The following LYZL1 variants were observed in gnomAD, a reference collection of about 807,000 sequenced individuals.
LYZL1 encodes lysozyme like 1.
LYZL1 carries 16 observed loss-of-function variants against 17.9 expected under a neutral mutation model. That is an observed-to-expected ratio of 0.90 (90% CI 0.61 to 1.36). The LOEUF is 1.36. LYZL1 is among the 40% of genes most tolerant of loss of function. The pLI, the probability that LYZL1 is intolerant of heterozygous loss-of-function variation, is 0.00. For synonymous variants in LYZL1, 58 were observed against 71.8 expected, an observed-to-expected ratio of 0.81 and a Z score of 0.97; for missense variants, 149 against 188.4, an observed-to-expected ratio of 0.79 and a Z score of 1.22.
At chr10:29,301,009 G>T (rs1835511036) in intron 3 of LYZL1, among the ~76,000 whole-genome samples, 1 of 152,102 alleles carries the variant, frequency 6.6e-6, no homozygotes, top group South Asian at 2.1e-4. Flanking sequence ...ATTTTTTGTA[G>T]GGATGGGTGA....
chr10:29,310,723 G>A (rs1373418122), intron 4 of LYZL1, among the ~76,000 whole-genome samples: 2 of 152,168 alleles, frequency 1.3e-5, no homozygotes, highest in African/African-American at 2.4e-5. Flanking sequence ...CAGAGAACCC[G>A]AATTTTCACA....
At chr10:29,293,866 C>T (rs1588657508) in intron 3 of LYZL1, among the ~76,000 whole-genome samples, 1 of 151,634 alleles carries the variant, frequency 6.6e-6, no homozygotes, top group East Asian at 1.9e-4. Context: ...CCCAGCTACT[C>T]GGGAGGCTGA....
chr10:29,309,734 G>C lies in LYZL1; in HGVS notation c.299-376G>C, dbSNP rs1835645287. Among the ~76,000 whole-genome samples, 5 of 152,148 alleles carry C rather than the reference G, an allele frequency of 3.3e-5. No homozygotes were observed. In the South Asian group the frequency reaches 6.2e-4, roughly 19 times the overall value. On this transcript the variant is annotated intron_variant, in intron 3 of 4. Coordinates refer to ENST00000649382, the MANE Select transcript of LYZL1 (RefSeq NM_032517.6). The stretch of plus-strand genomic sequence containing the variant: ...TGGACTCAAACTCCTGGCCTCAAGG[G>C]ATGCTCCCACCTCAGCCTCCCAAAC...
chr10:29,305,541 CA>C (rs1464348344), intron 3 of LYZL1, among the ~76,000 whole-genome samples: 2 of 152,120 alleles, frequency 1.3e-5, no homozygotes, highest in Admixed American at 1.3e-4. Flanking sequence ...ATGTGCCTGA[CA>C]TAGAGTAAGA....
intron 3 of LYZL1, among the ~76,000 whole-genome samples, chr10:29,304,612 T>A (rs1835566921): frequency 6.6e-6 from 1 of 152,254 alleles, no homozygotes; most frequent in African/African-American, 2.4e-5. Context: ...TAACCCTTTC[T>A]TTATTCATGT....
At chr10:29,291,527 AG>A (rs1204468800) in intron 1 of LYZL1, among the ~76,000 whole-genome samples, 1 of 149,228 alleles carries the variant, frequency 6.7e-6, no homozygotes, top group Non-Finnish European at 1.5e-5. Flanking sequence ...TTTCATTCAT[AG>A]AATTAAAATA....
chr10:29,306,829 T>TGTGTGA (rs1195660388), intron 3 of LYZL1, among the ~76,000 whole-genome samples: 3 of 125,378 alleles, frequency 2.4e-5, no homozygotes, highest in African/African-American at 9.4e-5. Flanking sequence ...TGTGTGTGTG[T>TGTGTGA]GAAAGAGATT....
intron 3 of LYZL1, among the ~76,000 whole-genome samples, chr10:29,302,421 G>A (rs1436199331): frequency 6.6e-6 from 1 of 152,228 alleles, no homozygotes; most frequent in African/African-American, 2.4e-5. Context: ...GCCGGCACGA[G>A]GGATGCTCCC....
chr10:29,303,009 G>A (rs1033432244), intron 3 of LYZL1, among the ~76,000 whole-genome samples: 2 of 152,160 alleles, frequency 1.3e-5, no homozygotes, highest in African/African-American at 4.8e-5. Context: ...TGAATGTGCT[G>A]AGGATTCAGC....
At chr10:29,299,986 G>GC (rs1835495708) in intron 3 of LYZL1, among the ~76,000 whole-genome samples, 1 of 152,148 alleles carries the variant, frequency 6.6e-6, no homozygotes, top group Non-Finnish European at 1.5e-5. Flanking sequence ...GGTTTTGATT[G>GC]CAACTACTCA....
chr10:29,289,106 T>C lies in LYZL1; in HGVS notation c.-150T>C. 1 of 1,570,296 alleles carries C rather than the reference T, an allele frequency of 6.4e-7. No individual in the cohort carries two copies. On this transcript the variant is annotated 5_prime_UTR_variant, in exon 1 of 5. It removes an upstream start codon present in the reference 5' UTR. Transcript: ENST00000649382. ...ACTCGCGCCTCGTTAGAATCAGACA[T>C]GGCTTCAGGGGATGCAGGACGCTCC...
At chr10:29,315,617 G>C (rs913539081), downstream of LYZL1, among the ~76,000 whole-genome samples, 3 of 152,146 alleles carry the variant, frequency 2.0e-5, no homozygotes, top group South Asian at 6.2e-4. Flanking sequence ...CTTTGCCGAG[G>C]TGGGAGGATC....
chr10:29,316,268 A>G (rs780806676), intron 3 of LYZL1, among the ~76,000 whole-genome samples: 1 of 152,200 alleles, frequency 6.6e-6, no homozygotes, highest in Non-Finnish European at 1.5e-5. Flanking sequence ...TGATTCCACA[A>G]GTGCAGGGAA....
At chr10:29,289,514 C>T (rs959955375) in intron 1 of LYZL1, among the ~76,000 whole-genome samples, 1 of 151,054 alleles carries the variant, frequency 6.6e-6, no homozygotes, top group African/African-American at 2.4e-5. Context: ...AAACTCCCAG[C>T]CTCAAGTGAT....
At chr10:29,307,010 A>G (rs1247466416) in intron 3 of LYZL1, among the ~76,000 whole-genome samples, 1 of 152,138 alleles carries the variant, frequency 6.6e-6, no homozygotes, top group Non-Finnish European at 1.5e-5. Context: ...GCATGCCACC[A>G]CGCCTGGCTA....
chr10:29,305,945 T>C (rs1420058157), intron 3 of LYZL1, among the ~76,000 whole-genome samples: 2 of 152,268 alleles, frequency 1.3e-5, no homozygotes, highest in African/African-American at 4.8e-5. Flanking sequence ...GGTATTACAA[T>C]GTTCTACTGA....
intron 3 of LYZL1, among the ~76,000 whole-genome samples, chr10:29,304,827 T>C (rs1835569345): frequency 6.6e-6 from 1 of 152,124 alleles, no homozygotes; most frequent in African/African-American, 2.4e-5. Context: ...CTAACATATT[T>C]TCCCAAGCAA....
intron 3 of LYZL1, among the ~76,000 whole-genome samples, chr10:29,305,923 A>G (rs1211649445): frequency 6.6e-6 from 1 of 152,258 alleles, no homozygotes; most frequent in African/African-American, 2.4e-5. Context: ...AACAGAGTTA[A>G]CAAAATAATC....
chr10:29,316,707 C>CTT (rs201357117), intron 3 of LYZL1, among the ~76,000 whole-genome samples: 122 of 126,338 alleles, frequency 9.7e-4, no homozygotes, highest in African/African-American at 1.3e-3. Flanking sequence ...TTTCCTTTTC[C>CTT]TTTTTTTTTT....
Sources: allele counts gnomAD v4.1 joint callset (sites outside exome capture counted in the v4.1 genomes callset), GRCh38; gene constraint gnomAD v4.1.1; transcripts MANE v1.5; gene names NCBI Gene and HGNC (gene_info 2026-07-23, HGNC 2026-07-21).